HAUS1: variants seen among roughly 807,000 people sequenced by gnomAD.
The protein encoded by HAUS1 is HAUS augmin like complex subunit 1, also known as HAUS augmin-like complex subunit 1.
HAUS1 carries 25 observed loss-of-function variants against 38.6 expected under a neutral mutation model. The observed-to-expected ratio is 0.65, with a 90% CI of 0.47 to 0.91. HAUS1 has a LOEUF of 0.91. Ranked by LOEUF, HAUS1 falls within the 40% of genes least tolerant of loss-of-function variation. The probability of loss-of-function intolerance (pLI) is 0.00; values close to 1 mark genes in which losing one functional copy is unlikely to be tolerated. For synonymous variants in HAUS1, 109 were observed against 112.9 expected (o/e 0.97, Z 0.22); for missense variants, 325 against 328.4 (o/e 0.99, Z 0.08).
chr18:46,121,662 G>A (rs531822949), intron 4 of HAUS1: 19 of 151,930 alleles, frequency 1.3e-4, no homozygotes, highest in African/African-American at 4.1e-4. Context: ...TTGAGTAGAG[G>A]CCACTCTAAT....
intron 2 of HAUS1, among the ~76,000 whole-genome samples, chr18:46,108,476 T>C (rs1911533456): frequency 6.6e-6 from 1 of 152,030 alleles, no homozygotes; most frequent in African/African-American, 2.4e-5. Context: ...CGGCTTGCTT[T>C]TGGTTTAGTC....
chr18:46,105,493 C>T (rs748964641), intron 2 of HAUS1, 125 bp downstream of exon 2: 1 of 739,032 alleles, frequency 1.4e-6, no homozygotes, highest in Non-Finnish European at 2.2e-6. Context: ...CCCAGATTTT[C>T]TTCCACTCTG....
chr18:46,114,083 C>T (rs1911742705), intron 2 of HAUS1, among the ~76,000 whole-genome samples: 1 of 152,184 alleles, frequency 6.6e-6, no homozygotes, highest in Non-Finnish European at 1.5e-5. Context: ...CAATCAAATT[C>T]TAGCTCTCTT....
At chr18:46,124,596 T>A (rs547160162) in intron 6 of HAUS1, among the ~76,000 whole-genome samples, 4 of 151,732 alleles carry the variant, frequency 2.6e-5, no homozygotes, top group African/African-American at 4.8e-5. Context: ...AAAAAAAAAT[T>A]ATAATAATAA....
At chr18:46,122,373 C>A in intron 4 of HAUS1, 94 bp from the exon 5 acceptor site, 2 of 1,320,392 alleles carry the variant, frequency 1.5e-6, no homozygotes, top group Middle Eastern at 5.4e-4. Flanking sequence ...CTTGGCCAAG[C>A]CAGCATTGAA....
chr18:46,119,596 A>C (rs1911883740), intron 3 of HAUS1, among the ~76,000 whole-genome samples: 2 of 152,160 alleles, frequency 1.3e-5, no homozygotes, highest in African/African-American at 2.4e-5. Flanking sequence ...GCTTACAGTC[A>C]AATAAGGGAG....
intron 4 of HAUS1, 120 bp downstream of exon 4, chr18:46,120,180 C>A: frequency 4.6e-6 from 3 of 650,466 alleles, no homozygotes; most frequent in Non-Finnish European, 5.1e-6. Context: ...ATCCATAAAA[C>A]ATTTTTTTAA....
chr18:46,115,458 CAAAAAAAA>C (rs35249053), intron 2 of HAUS1, among the ~76,000 whole-genome samples: 1 of 108,848 alleles, frequency 9.2e-6, no homozygotes, highest in East Asian at 2.9e-4. Flanking sequence ...GACTGCATCT[CAAAAAAAA>C]AAAAAAAAAA....
At chr18:46,112,339 T>G (rs1911662957) in intron 2 of HAUS1, among the ~76,000 whole-genome samples, 2 of 115,838 alleles carry the variant, frequency 1.7e-5, no homozygotes, top group South Asian at 4.6e-4. Context: ...TGTATATATA[T>G]TCCATATTAT....
intron 8 of HAUS1, 140 bp downstream of exon 8, chr18:46,125,931 A>G (rs1912092154): frequency 3.2e-6 from 2 of 622,314 alleles, no homozygotes; most frequent in Non-Finnish European, 5.7e-6. Flanking sequence ...ATTCTCCTGC[A>G]TCTTTTAATA....
chr18:46,108,882 T>C (rs13381971), intron 2 of HAUS1, among the ~76,000 whole-genome samples: 5,832 of 152,012 alleles, frequency 0.038, 154 homozygotes, highest in Middle Eastern at 0.14. Flanking sequence ...CCATCCTGGC[T>C]AACACGGTGA....
At chr18:46,118,427 C>T (rs1911852686) in intron 3 of HAUS1, 111 bp downstream of exon 3, 6 of 976,298 alleles carry the variant, frequency 6.1e-6, no homozygotes, top group Non-Finnish European at 9.2e-6. Context: ...ATACAAAGCA[C>T]TGAATTTAGT....
intron 2 of HAUS1, among the ~76,000 whole-genome samples, chr18:46,113,663 G>A (rs989705921): frequency 7.9e-5 from 12 of 152,046 alleles, no homozygotes; most frequent in Admixed American, 7.2e-4. Context: ...ATTCTCACAG[G>A]CAGCTTCTGT....
chr18:46,123,379 A>G lies in HAUS1; in HGVS notation c.666+15A>G, dbSNP rs1912006908. ...CACTATCAGAGGTGAGCTTATTTTA[A>G]CCTAATTTAACTTTCTTTAAAATTT... On this transcript the variant is annotated intron_variant, in intron 6 of 8. Transcript: ENST00000282058. 2.6e-6 allele frequency: 4 copies of G among 1,557,064 alleles called. No homozygotes were observed. Among genetic ancestry groups the G allele is most frequent in the Non-Finnish European group, 3.5e-6 (4 of 1,138,362 alleles).
chr18:46,105,394 C>G (rs200433927), intron 2 of HAUS1, 26 bp downstream of exon 2: 3 of 1,593,544 alleles, frequency 1.9e-6, no homozygotes, highest in Non-Finnish European at 2.6e-6. Flanking sequence ...GAGTTTTGAA[C>G]GAGAATAAAT....
chr18:46,105,381 C>A lies in HAUS1; in HGVS notation c.205+13C>A. The A allele has an allele frequency of 6.2e-7, 1 of 1,602,630 alleles. No individual in the cohort carries two copies. The highest frequency in any genetic ancestry group is 8.5e-7 in the Non-Finnish European group (1 of 1,173,212). On this transcript the variant is annotated intron_variant, in intron 2 of 8. Coordinates refer to ENST00000282058, the MANE Select transcript of HAUS1 (RefSeq NM_138443.4). ...TACGAGTCAGAAGGTGAGATTAAGT[C>A]CAGAGTTTTGAACGAGAATAAATAG...
chr18:46,109,105 T>G (rs1425535535), intron 2 of HAUS1, among the ~76,000 whole-genome samples: 3 of 150,854 alleles, frequency 2.0e-5, no homozygotes, highest in Non-Finnish European at 4.4e-5. Flanking sequence ...AGAAGTTTAA[T>G]TGACTCACAG....
intron 2 of HAUS1, chr18:46,109,619 TTTC>T (rs1911567231): frequency 6.6e-6 from 1 of 152,136 alleles, no homozygotes; most frequent in Non-Finnish European, 1.5e-5. Context: ...TTCTTTTTCT[TTTC>T]TTTTTTTTTT....
intron 2 of HAUS1, 95 bp from the exon 3 acceptor site, chr18:46,118,086 G>A: frequency 2.6e-6 from 3 of 1,154,948 alleles, no homozygotes. Context: ...ACCTTAGGTG[G>A]GTGGATTATA....
Sources: allele counts gnomAD v4.1 joint callset (sites outside exome capture counted in the v4.1 genomes callset), GRCh38; gene constraint gnomAD v4.1.1; transcripts MANE v1.5; gene names NCBI Gene and HGNC (gene_info 2026-07-23, HGNC 2026-07-21).